Variants in CFAP44 observed in about 807,000 individuals in gnomAD.
CFAP44 encodes the protein cilia- and flagella-associated protein 44.
CFAP44 carries 134 observed loss-of-function variants against 216.2 expected under a neutral mutation model. The observed-to-expected ratio is 0.62, with a 90% confidence interval of 0.54 to 0.72. The LOEUF (loss-of-function observed/expected upper bound fraction) is 0.72, where lower values mean the gene tolerates loss of function less well. Among genes scored for constraint, CFAP44 ranks in the 30% least tolerant of loss-of-function variants. The probability of loss-of-function intolerance (pLI) is 0.00; values close to 1 mark genes in which losing one functional copy is unlikely to be tolerated. For synonymous variants in CFAP44, 700 were observed against 727.6 expected (o/e 0.96, Z 0.61); for missense variants, 2,035 against 2,182.1 (o/e 0.93, Z 1.34).
At chr3:113,358,605 C>A in intron 22 of CFAP44, 140 bp downstream of exon 22, 1 of 1,108,726 alleles carries the variant, frequency 9.0e-7, no homozygotes, top group Non-Finnish European at 1.2e-6. Context: ...GTAGCAGTGA[C>A]AAGAGGATTC....
intron 13 of CFAP44, among the ~76,000 whole-genome samples, chr3:113,397,859 G>T (rs1934030411): frequency 1.3e-5 from 2 of 152,232 alleles, no homozygotes; most frequent in South Asian, 4.2e-4. Context: ...ATGTGCAGAA[G>T]ATCATGGACT....
chr3:113,380,867 T>C (rs1374287527), intron 16 of CFAP44, 32 bp downstream of exon 16: 5 of 1,490,860 alleles, frequency 3.4e-6, no homozygotes, highest in Middle Eastern at 1.8e-4. Flanking sequence ...AAGGAAATTA[T>C]TATAAGATAA....
chr3:113,366,449 C>T (rs1404286880), intron 18 of CFAP44, 140 bp from the exon 19 acceptor site: 3 of 932,300 alleles, frequency 3.2e-6, no homozygotes, highest in Non-Finnish European at 4.7e-6. Context: ...TATATTGAAG[C>T]CCTAACCCCT....
intron 22 of CFAP44, among the ~76,000 whole-genome samples, chr3:113,353,603 A>G (rs940925008): frequency 2.0e-5 from 3 of 152,190 alleles, no homozygotes; most frequent in Non-Finnish European, 4.4e-5. Flanking sequence ...TTTAGCAGGT[A>G]GCAATCTGGT....
Position 113,333,557 on chromosome 3 carries a change from T to C in CFAP44, c.3464A>G (p.Tyr1155Cys). Reference sequence around the variant, plus strand: ...GGCTTGAAGATCTTTGGGATCTTCATAGTCATCACCAGGTTTACTCTTGTA... The same window carrying C: ...GGCTTGAAGATCTTTGGGATCTTCACAGTCATCACCAGGTTTACTCTTGTA... ...ELYKSKPGDD[Y>C]EDPKDLQAIK... The change falls in exon 25 of 35, where the codon TAT becomes TGT. Residue 1155 changes from tyrosine to cysteine, a missense_variant. Around this residue, in one of 3 missense-constraint regions of CFAP44, gnomAD observed 1,883 missense variants for 2,023.7 expected, o/e 0.93. Coordinates refer to ENST00000393845, the MANE Select transcript of CFAP44 (RefSeq NM_001164496.2). 6.5e-7 allele frequency: 1 copy of C among 1,536,442 alleles called. No homozygotes were observed. The highest frequency in any genetic ancestry group is 8.7e-7 in the Non-Finnish European group (1 of 1,146,736).
At chr3:113,342,022 T>G in intron 23 of CFAP44, 104 bp from the exon 24 acceptor site, 1 of 1,303,612 alleles carries the variant, frequency 7.7e-7, no homozygotes, top group Non-Finnish European at 1.0e-6. Context: ...GAGAATATAT[T>G]GAATTTGTAA....
At position 113,344,569 on chromosome 3, in the gene CFAP44, A is replaced by G. The variant is rs139756640; in HGVS notation, c.3209T>C (p.Leu1070Ser). 7.8e-6 allele frequency: 12 copies of G among 1,536,988 alleles called. No homozygotes were observed. In the African/African-American group the frequency reaches 1.1e-4, roughly 14 times the overall value. ...ASQSERKPSKLDRFEKEGPGR... is the reference protein window; with the variant it reads ...ASQSERKPSKSDRFEKEGPGR... Reference sequence around the variant, plus strand: ...AGGTCCCTCTTTTTCAAACCTGTCCAATTTGCTTGGTTTTCTCTCTGATTG... The same window carrying G: ...AGGTCCCTCTTTTTCAAACCTGTCCGATTTGCTTGGTTTTCTCTCTGATTG... Residue 1070 changes from leucine to serine, a missense_variant, in exon 23 of 35, where the codon TTG (leucine) becomes TCG (serine). Around this residue, in one of 3 missense-constraint regions of CFAP44, gnomAD observed 1,883 missense variants for 2,023.7 expected, o/e 0.93. Transcript: ENST00000393845.
chr3:113,306,265 G>T lies in CFAP44; in HGVS notation c.4694C>A (p.Ala1565Asp). 1 of 1,536,758 alleles carries T rather than the reference G, an allele frequency of 6.5e-7. No homozygotes were observed. Residue 1565 changes from alanine to aspartate, a missense_variant, in exon 30 of 35, where the codon GCT (alanine) becomes GAT (aspartate). Physicochemically the swap from Ala to Asp is moderately radical, Grantham distance 126. Coordinates refer to ENST00000393845, the MANE Select transcript of CFAP44 (RefSeq NM_001164496.2). ...LREKRLDIEE[A>D]LVEEKKIVDN... ...AACAATTTTCTTTTCTTCAACTAAA[G>T]CCTCCTCAATGTCCAGCCTTTTCTC...
intron 15 of CFAP44, among the ~76,000 whole-genome samples, chr3:113,392,414 G>A (rs1220956069): frequency 6.6e-6 from 1 of 151,472 alleles, no homozygotes; most frequent in East Asian, 1.9e-4. Flanking sequence ...GGTGGTGGGT[G>A]TGGCGGGGGG....
chr3:113,388,839 T>C (rs998910250), intron 15 of CFAP44, among the ~76,000 whole-genome samples: 9 of 152,210 alleles, frequency 5.9e-5, no homozygotes, highest in African/African-American at 1.7e-4. Context: ...ATTGTAAATA[T>C]ATATGCATCC....
At chr3:113,331,870 T>G (rs969735816) in intron 25 of CFAP44, among the ~76,000 whole-genome samples, 7 of 152,212 alleles carry the variant, frequency 4.6e-5, no homozygotes, top group Non-Finnish European at 7.3e-5. Context: ...TAAAGACCAT[T>G]TATGGATTTT....
At chr3:113,372,806 T>G (rs1352742566) in intron 18 of CFAP44, among the ~76,000 whole-genome samples, 2 of 152,048 alleles carry the variant, frequency 1.3e-5, no homozygotes, top group Non-Finnish European at 2.9e-5. Flanking sequence ...GAAAAGATCA[T>G]GCAAGAAGGC....
At chr3:113,416,270 G>A (rs2107386087) in intron 6 of CFAP44, among the ~76,000 whole-genome samples, 1 of 151,972 alleles carries the variant, frequency 6.6e-6, no homozygotes, top group South Asian at 2.1e-4. Flanking sequence ...CAGGTAAGAT[G>A]GGTCTCCAGA....
intron 27 of CFAP44, 32 bp downstream of exon 27, chr3:113,327,584 C>T: frequency 6.6e-7 from 1 of 1,515,572 alleles, no homozygotes; most frequent in Non-Finnish European, 8.8e-7. Context: ...ACTAAGGGAC[C>T]AGCCAGCTAG....
chr3:113,346,680 A>T (rs901894661), intron 22 of CFAP44, among the ~76,000 whole-genome samples: 1 of 152,118 alleles, frequency 6.6e-6, no homozygotes, highest in African/African-American at 2.4e-5. Context: ...ACCAATCAGC[A>T]CTCTGTGTCT....
At chr3:113,364,246 C>G (rs1950567923) in intron 19 of CFAP44, among the ~76,000 whole-genome samples, 1 of 152,118 alleles carries the variant, frequency 6.6e-6, no homozygotes, top group Non-Finnish European at 1.5e-5. Flanking sequence ...TCTTAGTTTG[C>G]TAACTAGTCT....
In CFAP44 at chr3:113,343,009, T is replaced by TA. The variant is rs200097595; in HGVS notation, c.3263-1092dup. Among the ~76,000 whole-genome samples, 40 of 129,606 alleles carry TA rather than the reference T, an allele frequency of 3.1e-4. 1 individual carries two copies. The East Asian group carries it at 4.0e-3, about 13-fold the overall frequency. 85.0% of individuals were successfully genotyped at this position (129,606 alleles called of 152,430 possible). ...AAAAATAAATAAATAAATAAAAAATTAAAAAAAAATGGCTGTATCAACTAA... is the reference window on the plus strand; with the variant it reads ...AAAAATAAATAAATAAATAAAAAATTAAAAAAAAAATGGCTGTATCAACTAA... On this transcript the variant is annotated intron_variant, in intron 23 of 34. Coordinates refer to ENST00000393845, the MANE Select transcript of CFAP44 (RefSeq NM_001164496.2).
chr3:113,306,417 C>G, intron 29 of CFAP44, 86 bp from the exon 30 acceptor site: 1 of 1,462,116 alleles, frequency 6.8e-7, no homozygotes, highest in Non-Finnish European at 9.1e-7. Flanking sequence ...GATTCAGAAT[C>G]AATAATGTCT....
chr3:113,346,542 A>G (rs1422462386), intron 22 of CFAP44, among the ~76,000 whole-genome samples: 1 of 151,900 alleles, frequency 6.6e-6, no homozygotes, highest in East Asian at 2.0e-4. Flanking sequence ...AAGTGCACCA[A>G]TCAGCACTCT....
Sources: allele counts gnomAD v4.1 joint callset (sites outside exome capture counted in the v4.1 genomes callset), GRCh38; gene constraint gnomAD v4.1.1; regional missense constraint gnomAD v4.1.1; transcripts MANE v1.5; gene names NCBI Gene and HGNC (gene_info 2026-07-23, HGNC 2026-07-21).